Variants in CHST11 observed in about 807,000 individuals in gnomAD.
CHST11 encodes the protein carbohydrate sulfotransferase 11.
Under a neutral mutation model 30.4 loss-of-function variants are expected in CHST11, and 9 were observed. The ratio of observed to expected loss-of-function variants is 0.30; its 90% CI spans 0.18 to 0.52. CHST11 has a LOEUF of 0.52. Ranked by LOEUF, CHST11 falls within the 20% of genes least tolerant of loss-of-function variation. CHST11 has a pLI of 0.97. For synonymous variants in CHST11, 152 were observed against 187.8 expected (o/e 0.81, Z 1.56); for missense variants, 348 against 460.6 (o/e 0.76, Z 2.24).
intron 1 of CHST11, among the ~76,000 whole-genome samples, chr12:104,500,716 GT>G (rs1342649083): frequency 2.6e-5 from 4 of 152,188 alleles, no homozygotes; most frequent in Non-Finnish European, 2.9e-5. Context: ...GCAAGGGAGG[GT>G]TATAGTTGGA....
At chr12:104,481,997 C>T (rs1216442014) in intron 1 of CHST11, among the ~76,000 whole-genome samples, 1 of 151,814 alleles carries the variant, frequency 6.6e-6, no homozygotes, top group African/African-American at 2.4e-5. Flanking sequence ...GCCACAATGC[C>T]TGGCTAATTT....
At chr12:104,592,135 T>C in intron 1 of CHST11, among the ~76,000 whole-genome samples, 1 of 130,604 alleles carries the variant, frequency 7.7e-6, no homozygotes, top group African/African-American at 2.8e-5. Context: ...CCATCTCCTC[T>C]CCTCCCTTCC....
intron 2 of CHST11, among the ~76,000 whole-genome samples, chr12:104,604,404 C>T (rs967403424): frequency 3.9e-5 from 6 of 152,140 alleles, no homozygotes; most frequent in African/African-American, 9.7e-5. Context: ...CTCGTTTCCT[C>T]GGGATGTTTT....
chr12:104,748,785 T>C (rs1054748107), intron 2 of CHST11, among the ~76,000 whole-genome samples: 3 of 152,140 alleles, frequency 2.0e-5, no homozygotes, highest in Admixed American at 6.5e-5. Flanking sequence ...CCCAAACACT[T>C]TGGGGGCTTG....
chr12:104,753,853 C>T (rs1176187126), intron 2 of CHST11, among the ~76,000 whole-genome samples: 2 of 152,182 alleles, frequency 1.3e-5, no homozygotes, highest in South Asian at 2.1e-4. Context: ...GTTCAGGCCA[C>T]GGAGTACACA....
chr12:104,683,208 C>T lies in CHST11; in HGVS notation c.205-73741C>T, dbSNP rs1490772439. 2.0e-5 allele frequency among the ~76,000 whole-genome samples: 3 copies of T among 152,064 alleles called. No individual in the cohort carries two copies. The South Asian group carries it at 6.2e-4, about 32-fold the overall frequency. On this transcript the variant is annotated intron_variant, in intron 2 of 2. Transcript: ENST00000303694. ...AGGCCCAGTATCCACCTGCTCAGTG[C>T]GAGACAACCCAGCAGTCAGACAAAA...
intron 1 of CHST11, among the ~76,000 whole-genome samples, chr12:104,463,778 G>A (rs908684019): frequency 6.6e-6 from 1 of 152,162 alleles, no homozygotes; most frequent in Non-Finnish European, 1.5e-5. Flanking sequence ...AGGAAATGAA[G>A]GAGCCGGCCA....
chr12:104,661,827 A>G (rs1323592004), intron 2 of CHST11, among the ~76,000 whole-genome samples: 1 of 152,152 alleles, frequency 6.6e-6, no homozygotes, highest in Non-Finnish European at 1.5e-5. Flanking sequence ...CTCTTCCACA[A>G]CAAAATTTGG....
At chr12:104,479,370 A>G (rs1260779209) in intron 1 of CHST11, among the ~76,000 whole-genome samples, 1 of 151,864 alleles carries the variant, frequency 6.6e-6, no homozygotes, top group Non-Finnish European at 1.5e-5. Context: ...GTTTCCACAA[A>G]AGTTCTGGAA....
intron 1 of CHST11, among the ~76,000 whole-genome samples, chr12:104,546,009 C>T (rs115842246): frequency 1.2e-3 from 187 of 152,256 alleles, no homozygotes; most frequent in African/African-American, 4.3e-3. Context: ...AGGGCTCTAC[C>T]CTCATTACCT....
chr12:104,748,535 G>A (rs1055687729), intron 2 of CHST11, among the ~76,000 whole-genome samples: 1 of 151,822 alleles, frequency 6.6e-6, no homozygotes, highest in African/African-American at 2.4e-5. Flanking sequence ...CGCATGCCCG[G>A]TGGGGGCTGG....
intron 2 of CHST11, among the ~76,000 whole-genome samples, chr12:104,639,407 C>A (rs1403701013): frequency 1.3e-5 from 2 of 152,156 alleles, no homozygotes; most frequent in Non-Finnish European, 2.9e-5. Context: ...TATATCCATA[C>A]AATTGATACC....
chr12:104,486,981 C>G (rs1383403282), intron 1 of CHST11, among the ~76,000 whole-genome samples: 1 of 152,222 alleles, frequency 6.6e-6, no homozygotes, highest in East Asian at 1.9e-4. Flanking sequence ...TATACCAAAG[C>G]AAAGCACATT....
intron 1 of CHST11, among the ~76,000 whole-genome samples, chr12:104,595,128 G>A (rs758928020): frequency 2.6e-5 from 4 of 152,072 alleles, no homozygotes; most frequent in Non-Finnish European, 5.9e-5. Flanking sequence ...TTGCAGCTGG[G>A]TTACCGAGAC....
intron 2 of CHST11, among the ~76,000 whole-genome samples, chr12:104,628,943 C>T (rs2039245152): frequency 1.3e-5 from 2 of 152,172 alleles, no homozygotes; most frequent in Admixed American, 6.5e-5. Context: ...GGCTTTGTGC[C>T]TAATGTACTA....
At chr12:104,517,728 C>T (rs2038038321) in intron 1 of CHST11, among the ~76,000 whole-genome samples, 1 of 152,118 alleles carries the variant, frequency 6.6e-6, no homozygotes, top group African/African-American at 2.4e-5. Flanking sequence ...GACCTGGGAA[C>T]CTGACCTCAG....
At chr12:104,646,479 A>G (rs2039432115) in intron 2 of CHST11, among the ~76,000 whole-genome samples, 1 of 152,078 alleles carries the variant, frequency 6.6e-6, no homozygotes, top group Non-Finnish European at 1.5e-5. Context: ...CACCCCTGTA[A>G]TCCCAGCACT....
chr12:104,750,740 G>A lies in CHST11; in HGVS notation c.205-6209G>A, dbSNP rs2040424203. Among the ~76,000 whole-genome samples the A allele has an allele frequency of 3.3e-5, 5 of 151,802 alleles. No homozygotes were observed. In the South Asian group the frequency reaches 1.0e-3, roughly 31 times the overall value. ...ATTACAGATGTGAGCCACCGTGCCT[G>A]GCTTGTGCACATTTTAGTACCATTT... On this transcript the variant is annotated intron_variant, in intron 2 of 2. Coordinates refer to ENST00000303694, the MANE Select transcript of CHST11 (RefSeq NM_018413.6).
chr12:104,463,990 G>C (rs1378989974), intron 1 of CHST11, among the ~76,000 whole-genome samples: 1 of 152,054 alleles, frequency 6.6e-6, no homozygotes, highest in African/African-American at 2.4e-5. Context: ...CTTGAGCAGA[G>C]GTCTCTTGGG....
Sources: allele counts gnomAD v4.1 joint callset (sites outside exome capture counted in the v4.1 genomes callset), GRCh38; gene constraint gnomAD v4.1.1; transcripts MANE v1.5; gene names NCBI Gene and HGNC (gene_info 2026-07-23, HGNC 2026-07-21).